Variants in EVI5 observed in about 807,000 individuals in gnomAD.
EVI5 encodes the protein ecotropic viral integration site 5.
Under a neutral mutation model 112.0 loss-of-function variants are expected in EVI5, and 73 were observed. The observed-to-expected ratio is 0.65, with a 90% confidence interval of 0.54 to 0.79. The LOEUF (loss-of-function observed/expected upper bound fraction) is 0.79. Ranked by LOEUF, EVI5 falls within the 30% of genes least tolerant of loss-of-function variation. EVI5 has a pLI of 0.00. For synonymous variants in EVI5, 305 were observed against 319.9 expected, an observed-to-expected ratio of 0.95 and a Z score of 0.50; for missense variants, 900 against 968.8, an observed-to-expected ratio of 0.93 and a Z score of 0.94.
At chr1:92,657,390 C>T (rs903716993) in intron 13 of EVI5, among the ~76,000 whole-genome samples, 5 of 152,170 alleles carry the variant, frequency 3.3e-5, no homozygotes, top group African/African-American at 1.2e-4. Context: ...ACGCCAGGTA[C>T]GTCGGCTCAT....
intron 9 of EVI5, among the ~76,000 whole-genome samples, chr1:92,679,263 T>C (rs533926182): frequency 7.2e-5 from 11 of 152,232 alleles, no homozygotes; most frequent in Admixed American, 1.3e-4. Flanking sequence ...AGTGGAGAAA[T>C]GGTCTTCCAC....
chr1:92,605,007 T>C (rs1300513661), intron 18 of EVI5, among the ~76,000 whole-genome samples: 1 of 152,146 alleles, frequency 6.6e-6, no homozygotes, highest in Non-Finnish European at 1.5e-5. Context: ...TGCCAGTTGC[T>C]GGGGAATGGG....
At chr1:92,683,759 C>T (rs916813103) in intron 9 of EVI5, among the ~76,000 whole-genome samples, 36 of 152,216 alleles carry the variant, frequency 2.4e-4, no homozygotes, top group African/African-American at 7.9e-4. Flanking sequence ...CTTCGTGACA[C>T]ATGCACAAGC....
At chr1:92,747,445 G>A (rs937124339) in intron 1 of EVI5, among the ~76,000 whole-genome samples, 2 of 152,168 alleles carry the variant, frequency 1.3e-5, no homozygotes, top group South Asian at 2.1e-4. Context: ...CGGGTGTGGT[G>A]GCTCATGCCT....
intron 2 of EVI5, among the ~76,000 whole-genome samples, chr1:92,729,221 A>G (rs1459179066): frequency 6.6e-6 from 1 of 152,224 alleles, no homozygotes; most frequent in Non-Finnish European, 1.5e-5. Flanking sequence ...AGTTATGGTC[A>G]CAATGTATGA....
chr1:92,683,586 A>G (rs906604989), intron 9 of EVI5, among the ~76,000 whole-genome samples: 16 of 152,220 alleles, frequency 1.1e-4, no homozygotes, highest in African/African-American at 3.9e-4. Context: ...TAGGCTTCAG[A>G]AGGTAGGTAA....
rs1459126383 is a variant in EVI5 at position 92,677,931 on chromosome 1, G to A, written c.1098-713C>T. On this transcript the variant is annotated intron_variant, in intron 9 of 19. Coordinates refer to ENST00000684568, the MANE Select transcript of EVI5 (RefSeq NM_001350197.2). Reference sequence around the variant, plus strand: ...ATGCACCCCTGTTAAGATGTACTGAGTTAAGTGAATTAACACAGGAACAGA... The same window carrying A: ...ATGCACCCCTGTTAAGATGTACTGAATTAAGTGAATTAACACAGGAACAGA... 2.0e-5 allele frequency among the ~76,000 whole-genome samples: 3 copies of A among 152,260 alleles called. No homozygotes were observed. In the East Asian group the frequency reaches 5.8e-4, roughly 29 times the overall value.
At chr1:92,741,300 T>C (rs895633802) in intron 1 of EVI5, among the ~76,000 whole-genome samples, 2 of 152,152 alleles carry the variant, frequency 1.3e-5, no homozygotes, top group Admixed American at 6.6e-5. Flanking sequence ...AGGTTGGCAA[T>C]GGATGTGGTC....
At chr1:92,703,245 A>T (rs1359274906) in intron 4 of EVI5, 150 bp downstream of exon 4, 4 of 589,448 alleles carry the variant, frequency 6.8e-6, no homozygotes, top group Non-Finnish European at 1.2e-5. Flanking sequence ...AATGTAGCAT[A>T]AGAATTAAGG....
Position 92,538,475 on chromosome 1 carries a change from A to G in EVI5, c.2167-24505T>C, listed in dbSNP as rs549885953. Among the ~76,000 whole-genome samples, 3 of 152,354 alleles carry G rather than the reference A, an allele frequency of 2.0e-5. No homozygotes were observed. The South Asian group carries it at 6.2e-4, about 32-fold the overall frequency. Reference sequence around the variant, plus strand: ...TTTCTATTTGGATTGGATTCTGTTCAGAGGAAATTCTTGTTCTCTAAAGCT... The same window carrying G: ...TTTCTATTTGGATTGGATTCTGTTCGGAGGAAATTCTTGTTCTCTAAAGCT... On this transcript the variant is annotated intron_variant, in intron 19 of 19. Coordinates refer to ENST00000684568, the MANE Select transcript of EVI5 (RefSeq NM_001350197.2).
intron 18 of EVI5, among the ~76,000 whole-genome samples, chr1:92,567,989 T>C (rs901971496): frequency 1.3e-5 from 2 of 152,178 alleles, no homozygotes; most frequent in African/African-American, 4.8e-5. Context: ...AGATACTAAG[T>C]CAGAGTCCTA....
At chr1:92,568,258 C>A (rs553768009) in intron 18 of EVI5, among the ~76,000 whole-genome samples, 2 of 151,374 alleles carry the variant, frequency 1.3e-5, no homozygotes, top group African/African-American at 2.4e-5. Flanking sequence ...CACCTGTGGT[C>A]CCAGCTACCA....
intron 1 of EVI5, among the ~76,000 whole-genome samples, chr1:92,753,849 T>C (rs949612563): frequency 6.6e-6 from 1 of 152,228 alleles, no homozygotes; most frequent in Non-Finnish European, 1.5e-5. Context: ...TTAAGTACTG[T>C]CTCTTGCTAC....
chr1:92,686,122 G>A (rs533237717), intron 9 of EVI5, among the ~76,000 whole-genome samples: 13 of 152,248 alleles, frequency 8.5e-5, no homozygotes, highest in South Asian at 8.3e-4. Flanking sequence ...CCAATACCCC[G>A]ATGAACACTG....
intron 18 of EVI5, among the ~76,000 whole-genome samples, chr1:92,572,112 C>G (rs1209060581): frequency 6.6e-6 from 1 of 152,062 alleles, no homozygotes; most frequent in African/African-American, 2.4e-5. Flanking sequence ...AACGTCCATA[C>G]AAATCTGATT....
At chr1:92,760,931 G>A (rs948493573) in intron 1 of EVI5, among the ~76,000 whole-genome samples, 5 of 150,282 alleles carry the variant, frequency 3.3e-5, no homozygotes, top group African/African-American at 4.9e-5. Context: ...GGTGGTGGGC[G>A]CCTGTAGTCC....
intron 2 of EVI5, among the ~76,000 whole-genome samples, chr1:92,710,265 C>T (rs1475924339): frequency 6.6e-6 from 1 of 151,704 alleles, no homozygotes; most frequent in Admixed American, 6.6e-5. Context: ...ATCGCCTGAG[C>T]CCCGGAAGTT....
At chr1:92,572,038 G>A (rs541151085) in intron 18 of EVI5, among the ~76,000 whole-genome samples, 55 of 152,168 alleles carry the variant, frequency 3.6e-4, no homozygotes, top group East Asian at 1.2e-3. Context: ...ATGTGTAAAA[G>A]GTGTAAATGC....
intron 2 of EVI5, among the ~76,000 whole-genome samples, chr1:92,705,138 T>C (rs1311070304): frequency 6.6e-6 from 1 of 152,194 alleles, no homozygotes; most frequent in African/African-American, 2.4e-5. Context: ...ACGTTTACAA[T>C]GTGTCTAAGG....
Sources: allele counts gnomAD v4.1 joint callset (sites outside exome capture counted in the v4.1 genomes callset), GRCh38; gene constraint gnomAD v4.1.1; transcripts MANE v1.5; gene names NCBI Gene and HGNC (gene_info 2026-07-23, HGNC 2026-07-21).